Variants in VPS13C observed in about 807,000 individuals in gnomAD.
VPS13C encodes vacuolar protein sorting 13 homolog C.
VPS13C carries 358 observed loss-of-function variants against 456.8 expected under a neutral mutation model. That is an observed-to-expected ratio of 0.78 (90% confidence interval 0.72 to 0.86). VPS13C has a LOEUF of 0.86. VPS13C is among the 40% of genes least tolerant of loss of function. The probability of loss-of-function intolerance (pLI) is 0.00; values close to 1 mark genes in which losing one functional copy is unlikely to be tolerated. For missense variants in VPS13C, 4,818 were observed against 4,385.4 expected (o/e 1.10, Z -2.79); for synonymous variants, 1,578 against 1,486.7 (o/e 1.06, Z -1.41).
chr15:61,893,783 T>C (rs948203486), intron 66 of VPS13C, among the ~76,000 whole-genome samples: 60 of 152,104 alleles, frequency 3.9e-4, no homozygotes, highest in Non-Finnish European at 2.5e-4. Context: ...TTTTCCTTTT[T>C]GGTTTCCTTG....
chr15:62,019,915 T>G (rs1364695708), intron 9 of VPS13C, among the ~76,000 whole-genome samples: 1 of 151,436 alleles, frequency 6.6e-6, no homozygotes, highest in Non-Finnish European at 1.5e-5. Flanking sequence ...TCCTACCACT[T>G]AGTTGCCTGT....
chr15:62,010,620 A>C, intron 12 of VPS13C, 21 bp from the exon 13 acceptor site: 1 of 1,603,664 alleles, frequency 6.2e-7, no homozygotes, highest in Non-Finnish European at 8.5e-7. Context: ...ATGGGAAGAC[A>C]TAAGATATGT....
At chr15:62,035,078 A>AATT (rs1176621885) in intron 3 of VPS13C, 26 bp from the exon 4 acceptor site, 2 of 1,544,614 alleles carry the variant, frequency 1.3e-6, no homozygotes. Flanking sequence ...TTCAACCTTA[A>AATT]ATTATTATTT....
chr15:61,946,898 T>C (rs954814045), intron 43 of VPS13C, among the ~76,000 whole-genome samples: 1 of 152,038 alleles, frequency 6.6e-6, no homozygotes, highest in Non-Finnish European at 1.5e-5. Flanking sequence ...TAGGAAACAG[T>C]CTTCTAAGAT....
At chr15:61,976,405 C>T (rs1394950668) in intron 24 of VPS13C, among the ~76,000 whole-genome samples, 1 of 151,962 alleles carries the variant, frequency 6.6e-6, no homozygotes. Context: ...GTCTAACATT[C>T]TATTTATATA....
chr15:61,950,813 C>A, intron 40 of VPS13C, 132 bp downstream of exon 40: 2 of 633,436 alleles, frequency 3.2e-6, no homozygotes, highest in Non-Finnish European at 5.2e-6. Flanking sequence ...TTTTCAGATG[C>A]TTGCAAAATT....
At chr15:61,855,998 T>TA (rs79726912) in intron 83 of VPS13C, among the ~76,000 whole-genome samples, 9,051 of 148,422 alleles carry the variant, frequency 0.061, 322 homozygotes, top group Non-Finnish European at 0.083. Context: ...CATATGAAGT[T>TA]AAAAAAAAAA....
chr15:61,930,617 C>G (rs921336340), intron 50 of VPS13C, among the ~76,000 whole-genome samples: 2 of 152,168 alleles, frequency 1.3e-5, no homozygotes, highest in Non-Finnish European at 2.9e-5. Flanking sequence ...TAATATAACT[C>G]ACCCTTTCAA....
intron 45 of VPS13C, among the ~76,000 whole-genome samples, chr15:61,945,073 T>A (rs963816575): frequency 5.9e-5 from 9 of 152,178 alleles, no homozygotes; most frequent in African/African-American, 2.2e-4. Context: ...GATGGTTTTA[T>A]AAGAGGCTCT....
At chr15:61,922,809 G>A (rs776621297) in intron 53 of VPS13C, 47 bp from the exon 54 acceptor site, 1 of 1,472,360 alleles carries the variant, frequency 6.8e-7, no homozygotes, top group Admixed American at 2.3e-5. Flanking sequence ...TTCTTTCCCA[G>A]ATGAGAATAT....
Position 61,860,081 on chromosome 15 carries a change from A to G in VPS13C, c.10952+3359T>C, listed in dbSNP as rs542769347. On this transcript the variant is annotated intron_variant, in intron 82 of 84. Transcript: ENST00000644861. Reference sequence around the variant, plus strand: ...TAGCAATCACTAACATGTCAATAATACATTTGACAAAAAGGGCTAATATCA... The same window carrying G: ...TAGCAATCACTAACATGTCAATAATGCATTTGACAAAAAGGGCTAATATCA... Among the ~76,000 whole-genome samples the G allele has an allele frequency of 1.8e-3, 276 of 152,304 alleles. 1 individual carries two copies. The highest frequency in any genetic ancestry group is 1.8e-3 in the Non-Finnish European group (123 of 68,014).
rs1212344622 is a variant in VPS13C at position 61,867,072 on chromosome 15, T to C, written c.10863+1587A>G. 2.2e-6 allele frequency: 2 copies of C among 929,966 alleles called. No homozygotes were observed. The highest frequency in any genetic ancestry group is 5.0e-5 in the South Asian group (1 of 20,198). The allele number at this position is 929,966 out of a possible 1,614,324, so 57.6% of individuals were successfully genotyped here. ...GATTATAATTATTTTTTCTCTAAGA[T>C]AATAAACCCTCTCTAAGGATTTAAA... On this transcript the variant is annotated intron_variant, in intron 81 of 84. Transcript: ENST00000644861. This position sits in a 1 kb window ranked among gnomAD's most constrained non-coding sequence, Gnocchi z 5.0.
At chr15:61,881,491 G>T in intron 71 of VPS13C, 72 bp downstream of exon 71, 1 of 1,436,646 alleles carries the variant, frequency 7.0e-7, no homozygotes, top group South Asian at 1.4e-5. Context: ...CTTTCAAAAA[G>T]AGTAAGATTT....
chr15:61,873,186 C>A lies in VPS13C; in HGVS notation c.10578+60G>T, dbSNP rs971682696. The A allele has an allele frequency of 1.1e-5, 18 of 1,600,538 alleles. No homozygotes were observed. The African/African-American group carries it at 2.2e-4, about 19-fold the overall frequency. ...AGCAGCATTCTAAGTTTCACACAAC[C>A]AGCTAGAATACACTTTTTTTTAAGT... On this transcript the variant is annotated intron_variant, in intron 78 of 84. Transcript: ENST00000644861.
chr15:61,889,205 T>C (rs948474596), intron 67 of VPS13C, among the ~76,000 whole-genome samples: 2 of 152,082 alleles, frequency 1.3e-5, no homozygotes, highest in Non-Finnish European at 2.9e-5. Flanking sequence ...AAAAGTTTTA[T>C]AGAAGAACAA....
intron 66 of VPS13C, among the ~76,000 whole-genome samples, chr15:61,897,190 A>G (rs1450862305): frequency 3.3e-5 from 5 of 152,212 alleles, no homozygotes; most frequent in African/African-American, 1.2e-4. Flanking sequence ...TAAAGAGCGG[A>G]GCACCTCTCC....
chr15:61,866,289 T>C, intron 81 of VPS13C: 1 of 983,670 alleles, frequency 1.0e-6, no homozygotes, highest in Non-Finnish European at 1.2e-6. Flanking sequence ...AGTTGTCTGA[T>C]ATCTTAATAA....
chr15:61,946,472 TTAAGTTCAA>T (rs2044608243), intron 43 of VPS13C, 62 bp from the exon 44 acceptor site: 1 of 1,186,518 alleles, frequency 8.4e-7, no homozygotes, highest in African/African-American at 1.6e-5. Context: ...CCAGTGGTAT[TTAAGTTCAA>T]TAATATACTG....
chr15:61,908,717 T>C (rs1414852627), intron 65 of VPS13C, among the ~76,000 whole-genome samples: 2 of 152,194 alleles, frequency 1.3e-5, no homozygotes, highest in African/African-American at 2.4e-5. Flanking sequence ...GTATCAAAAC[T>C]CATTTGGCGG....
Sources: gnomAD v4.1 joint callset for allele counts (sites outside exome capture counted in the v4.1 genomes callset) on GRCh38, gnomAD v4.1.1 for gene constraint, Gnocchi (gnomAD v3.1) non-coding constraint, MANE v1.5 for transcripts, NCBI Gene and HGNC (gene_info 2026-07-23, HGNC 2026-07-21) for gene names.